Variants in EIF4G3 observed in about 807,000 individuals in gnomAD.
The protein encoded by EIF4G3 is eIF-4-gamma 3.
In EIF4G3, 34 loss-of-function variants were observed where a neutral mutation model predicts 186.4. That is an observed-to-expected ratio of 0.18 (90% confidence interval 0.14 to 0.24). The LOEUF (loss-of-function observed/expected upper bound fraction) is 0.24. EIF4G3 is among the 10% of genes least tolerant of loss of function. EIF4G3 has a pLI of 1.00. For missense variants in EIF4G3, 1,536 were observed against 1,948.5 expected, an observed-to-expected ratio of 0.79 and a Z score of 3.99; for synonymous variants, 673 against 679.5, an observed-to-expected ratio of 0.99 and a Z score of 0.15.
At chr1:20,870,927 T>C (rs1202863421) in intron 20 of EIF4G3, among the ~76,000 whole-genome samples, 1 of 152,108 alleles carries the variant, frequency 6.6e-6, no homozygotes, top group Non-Finnish European at 1.5e-5. Flanking sequence ...TAGTAGAGCT[T>C]GGTGGACACA....
intron 2 of EIF4G3, among the ~76,000 whole-genome samples, chr1:21,142,562 A>C (rs1558159513): frequency 6.6e-6 from 1 of 152,224 alleles, no homozygotes; most frequent in Admixed American, 6.5e-5. Flanking sequence ...ACAAAGCAAA[A>C]TAATACAAAG....
At chr1:21,143,227 C>A (rs933843760) in intron 2 of EIF4G3, among the ~76,000 whole-genome samples, 1 of 147,278 alleles carries the variant, frequency 6.8e-6, no homozygotes, top group African/African-American at 2.5e-5. Context: ...CAAGCCTGGG[C>A]GACAAAGTGA....
chr1:21,032,471 C>T (rs2092827117), intron 4 of EIF4G3, among the ~76,000 whole-genome samples: 1 of 152,018 alleles, frequency 6.6e-6, no homozygotes, highest in South Asian at 2.1e-4. Flanking sequence ...ATAGATAGTG[C>T]ATCCTCTCTT....
intron 4 of EIF4G3, among the ~76,000 whole-genome samples, chr1:21,020,786 T>C (rs1197767605): frequency 1.3e-5 from 2 of 152,226 alleles, no homozygotes; most frequent in Non-Finnish European, 2.9e-5. Context: ...CTGTGATTTT[T>C]ACTGAAACAT....
Position 21,176,790 on chromosome 1 carries a change from C to T in EIF4G3, c.-524G>A. 1 of 700,336 alleles carries T rather than the reference C, an allele frequency of 1.4e-6. No individual in the cohort carries two copies. The highest frequency in any genetic ancestry group is 1.5e-5 in the South Asian group (1 of 67,564). The allele number at this position is 700,336 out of a possible 1,614,324, so 43.4% of individuals were successfully genotyped here. On this transcript the variant is annotated 5_prime_UTR_variant, in exon 1 of 37. Transcript: ENST00000602326. ...ATCCCCCTCCCCGGAGGAAGCGGCG[C>T]CCTTCTCGGTAGCGGGGCTCAGGCG... is the stretch of plus-strand genomic sequence containing the variant.
In EIF4G3 at chr1:20,962,230, CA is replaced by C. The variant is rs572224573; in HGVS notation, c.714+7243del. 2.9e-3 allele frequency among the ~76,000 whole-genome samples: 438 copies of C among 152,222 alleles called. 10 individuals are homozygous for C. Among genetic ancestry groups the C allele is most frequent in the Admixed American group, 0.026 (396 of 15,292 alleles). On this transcript the variant is annotated intron_variant, in intron 12 of 36. Transcript: ENST00000602326. Reference sequence around the variant, plus strand: ...AATCTGTGTATAACTTTTGACTCCCCAAAAACTTAACTGGTAACAGCCTACT... The same window carrying C: ...AATCTGTGTATAACTTTTGACTCCCCAAAACTTAACTGGTAACAGCCTACT...
intron 4 of EIF4G3, among the ~76,000 whole-genome samples, chr1:21,018,307 C>T (rs772759884): frequency 6.6e-6 from 1 of 152,082 alleles, no homozygotes; most frequent in Admixed American, 6.6e-5. Context: ...GTGAGCCGGG[C>T]ACAGTGGCTC....
At chr1:20,990,862 A>G (rs1432329641) in intron 7 of EIF4G3, among the ~76,000 whole-genome samples, 2 of 152,200 alleles carry the variant, frequency 1.3e-5, no homozygotes, top group African/African-American at 4.8e-5. Flanking sequence ...AATATCTCCG[A>G]GGCATGCCTA....
Position 20,864,274 on chromosome 1 carries a change from C to T in EIF4G3, c.3006+202G>A, listed in dbSNP as rs868187320. On this transcript the variant is annotated intron_variant, in intron 22 of 36. Transcript: ENST00000602326. ...AAGAATCTACAAACTGGCTTTTACA[C>T]AATTTGGGACCCTCCTCATCTCTGA... Among the ~76,000 whole-genome samples the T allele has an allele frequency of 2.0e-4, 31 of 152,164 alleles. No homozygotes were observed. The highest frequency in any genetic ancestry group is 1.6e-4 in the Non-Finnish European group (11 of 68,020).
chr1:21,167,258 T>A (rs1362747555), intron 2 of EIF4G3, among the ~76,000 whole-genome samples: 1 of 152,192 alleles, frequency 6.6e-6, no homozygotes, highest in Non-Finnish European at 1.5e-5. Context: ...TTTTCTCTCC[T>A]TATTCCAAAA....
In EIF4G3 at chr1:21,019,627, A is replaced by T. The variant is rs531490016; in HGVS notation, c.-66-16819T>A. On this transcript the variant is annotated intron_variant, in intron 4 of 36. Coordinates refer to ENST00000602326, the MANE Select transcript of EIF4G3 (RefSeq NM_001391906.1). The stretch of plus-strand genomic sequence containing the variant: ...TCTCATAGAGCAAGAGAAGTTATTT[A>T]AAAACAACATGCCATGGGAGGCCAA... Among the ~76,000 whole-genome samples, 7 of 152,342 alleles carry T rather than the reference A, an allele frequency of 4.6e-5. No individual in the cohort carries two copies. The East Asian group carries it at 7.7e-4, about 17-fold the overall frequency.
intron 2 of EIF4G3, among the ~76,000 whole-genome samples, chr1:21,163,572 T>G (rs928799994): frequency 1.3e-5 from 2 of 152,196 alleles, no homozygotes; most frequent in Admixed American, 6.5e-5. Context: ...AATCAGCAAC[T>G]CCACTCATTC....
At chr1:20,996,292 C>T (rs10799678) in intron 7 of EIF4G3, among the ~76,000 whole-genome samples, 64,944 of 151,908 alleles carry the variant, frequency 0.43, 14,295 homozygotes, top group Non-Finnish European at 0.47. Flanking sequence ...ACTTGGTTAA[C>T]ATGGAAGAAT....
chr1:21,013,892 G>A (rs929031802), intron 4 of EIF4G3, among the ~76,000 whole-genome samples: 2 of 152,172 alleles, frequency 1.3e-5, no homozygotes, highest in African/African-American at 4.8e-5. Flanking sequence ...GAAATAGGCT[G>A]GGCACAGTAG....
intron 7 of EIF4G3, among the ~76,000 whole-genome samples, chr1:20,987,742 C>T (rs1433610499): frequency 2.0e-5 from 3 of 152,102 alleles, no homozygotes; most frequent in African/African-American, 4.8e-5. Flanking sequence ...TCAGCAGACA[C>T]AATAATATTG....
intron 14 of EIF4G3, among the ~76,000 whole-genome samples, chr1:20,911,960 G>C (rs1429357153): frequency 6.6e-6 from 1 of 151,964 alleles, no homozygotes; most frequent in East Asian, 1.9e-4. Flanking sequence ...AAAATATACT[G>C]CACTCCAGCC....
chr1:21,024,772 C>T (rs1017891076), intron 4 of EIF4G3, among the ~76,000 whole-genome samples: 3 of 149,344 alleles, frequency 2.0e-5, no homozygotes, highest in Non-Finnish European at 4.5e-5. Context: ...GCAGGGTCCT[C>T]TGCCTAGGAA....
At chr1:21,151,320 G>GCT (rs1318734781) in intron 2 of EIF4G3, among the ~76,000 whole-genome samples, 1 of 124,878 alleles carries the variant, frequency 8.0e-6, no homozygotes, top group East Asian at 2.6e-4. Flanking sequence ...CTCACTGCAA[G>GCT]CTCTGCCTCC....
chr1:21,096,401 G>A (rs865967871), intron 2 of EIF4G3, among the ~76,000 whole-genome samples: 2 of 152,198 alleles, frequency 1.3e-5, no homozygotes, highest in Non-Finnish European at 2.9e-5. Flanking sequence ...GGGGGATGAT[G>A]AGAAATTACT....
Sources: gnomAD v4.1 joint callset for allele counts (sites outside exome capture counted in the v4.1 genomes callset) on GRCh38, gnomAD v4.1.1 for gene constraint, MANE v1.5 for transcripts, NCBI Gene and HGNC (gene_info 2026-07-23, HGNC 2026-07-21) for gene names.